Variants in CYP27A1 observed in about 807,000 individuals in gnomAD.
CYP27A1 encodes cytochrome P450 family 27 subfamily A member 1, also known as sterol 26-hydroxylase, mitochondrial.
A neutral mutation model predicts 58.2 loss-of-function variants in CYP27A1; 46 were observed. That is an observed-to-expected ratio of 0.79 (90% CI 0.62 to 1.01). The LOEUF (loss-of-function observed/expected upper bound fraction) is 1.01, where lower values mean the gene tolerates loss of function less well. CYP27A1 is among the 50% of genes least tolerant of loss of function. The pLI is 0.00. For missense variants in CYP27A1, 704 were observed against 687.0 expected (o/e 1.02, Z -0.28); for synonymous variants, 274 against 285.1 (o/e 0.96, Z 0.39).
At chr2:218,806,999 C>CA (rs1943658858) in intron 1 of CYP27A1, among the ~76,000 whole-genome samples, 1 of 137,412 alleles carries the variant, frequency 7.3e-6, no homozygotes, top group Non-Finnish European at 1.5e-5. Context: ...CATTGCCACC[C>CA]AGGCTGGAGT....
chr2:218,800,371 T>C (rs997509266), intron 1 of CYP27A1, among the ~76,000 whole-genome samples: 1 of 152,068 alleles, frequency 6.6e-6, no homozygotes, highest in African/African-American at 2.4e-5. Context: ...GAAATAAAGA[T>C]AAGACACTCC....
intron 1 of CYP27A1, among the ~76,000 whole-genome samples, chr2:218,799,590 T>C (rs1049456566): frequency 2.0e-5 from 3 of 152,210 alleles, no homozygotes; most frequent in Middle Eastern, 3.2e-3. Context: ...AAAACTTGCT[T>C]GCCTGACTTT....
chr2:218,787,890 T>C (rs776270876), intron 1 of CYP27A1, among the ~76,000 whole-genome samples: 2 of 152,228 alleles, frequency 1.3e-5, no homozygotes, highest in Non-Finnish European at 2.9e-5. Flanking sequence ...CCAGGAATCA[T>C]AATACTCCAT....
chr2:218,792,951 C>G (rs1943510242), intron 1 of CYP27A1, among the ~76,000 whole-genome samples: 1 of 152,170 alleles, frequency 6.6e-6, no homozygotes, highest in Non-Finnish European at 1.5e-5. Context: ...AAGCTGAAAT[C>G]TGATTTTTGG....
chr2:218,803,247 C>T (rs1343615121), intron 1 of CYP27A1, among the ~76,000 whole-genome samples: 1 of 152,202 alleles, frequency 6.6e-6, no homozygotes, highest in Non-Finnish European at 1.5e-5. Flanking sequence ...GCGTGAACCA[C>T]CACGCCCAGC....
intron 1 of CYP27A1, among the ~76,000 whole-genome samples, chr2:218,802,663 T>C (rs530073694): frequency 6.6e-6 from 1 of 152,218 alleles, no homozygotes; most frequent in Non-Finnish European, 1.5e-5. Flanking sequence ...GGCAAATAAA[T>C]AAGAATAAAC....
At chr2:218,798,799 C>T (rs1943572006) in intron 1 of CYP27A1, among the ~76,000 whole-genome samples, 1 of 152,164 alleles carries the variant, frequency 6.6e-6, no homozygotes, top group Admixed American at 6.6e-5. Flanking sequence ...ATGAGAATTG[C>T]TTGAACCCGG....
intron 1 of CYP27A1, among the ~76,000 whole-genome samples, chr2:218,798,430 G>A (rs6740004): frequency 0.47 from 71,610 of 152,076 alleles, 17,348 homozygotes; most frequent in Non-Finnish European, 0.5. Context: ...TTAATGTAAA[G>A]CCTGGTAAAT....
intron 4 of CYP27A1, 59 bp from the exon 5 acceptor site, chr2:218,812,865 G>T: frequency 6.2e-7 from 1 of 1,611,556 alleles, no homozygotes; most frequent in Non-Finnish European, 8.5e-7. Context: ...AGTGGCTCTT[G>T]GTCCTTGGAG....
chr2:218,811,615 A>G (rs1421255848), intron 2 of CYP27A1, among the ~76,000 whole-genome samples: 1 of 152,154 alleles, frequency 6.6e-6, no homozygotes, highest in Non-Finnish European at 1.5e-5. Context: ...GCAAGAGCCT[A>G]CAGCATCAGC....
chr2:218,795,206 T>C (rs1943536540), intron 1 of CYP27A1, among the ~76,000 whole-genome samples: 1 of 152,228 alleles, frequency 6.6e-6, no homozygotes, highest in Non-Finnish European at 1.5e-5. Flanking sequence ...CATGCTCACC[T>C]GTGCTGTGCC....
At chr2:218,792,050 A>T (rs1943498303) in intron 1 of CYP27A1, among the ~76,000 whole-genome samples, 1 of 150,756 alleles carries the variant, frequency 6.6e-6, no homozygotes, top group African/African-American at 2.5e-5. Flanking sequence ...CTATTTTAGC[A>T]ATGTAGAAGT....
intron 1 of CYP27A1, among the ~76,000 whole-genome samples, chr2:218,808,231 G>C (rs1278203058): frequency 6.6e-6 from 1 of 152,174 alleles, no homozygotes; most frequent in Non-Finnish European, 1.5e-5. Flanking sequence ...TTCCTTCCAG[G>C]AAAATAGGCA....
intron 1 of CYP27A1, among the ~76,000 whole-genome samples, chr2:218,790,995 C>T (rs1303287321): frequency 1.3e-5 from 2 of 152,024 alleles, no homozygotes; most frequent in African/African-American, 4.8e-5. Flanking sequence ...GCCCCTGTGC[C>T]CAGCCAAGTT....
At chr2:218,792,381 G>GT (rs959258586) in intron 1 of CYP27A1, among the ~76,000 whole-genome samples, 15 of 151,808 alleles carry the variant, frequency 9.9e-5, no homozygotes, top group Admixed American at 2.6e-4. Context: ...CTGGCAAGGT[G>GT]TTTTTTTTGG....
chr2:218,784,242 G>A (rs1483048474), intron 1 of CYP27A1, among the ~76,000 whole-genome samples: 1 of 152,184 alleles, frequency 6.6e-6, no homozygotes, highest in East Asian at 1.9e-4. Context: ...GAGACTTGGG[G>A]ATGTGAAAAT....
intron 2 of CYP27A1, among the ~76,000 whole-genome samples, chr2:218,811,741 T>C (rs1943717824): frequency 6.6e-6 from 1 of 152,096 alleles, no homozygotes; most frequent in Non-Finnish European, 1.5e-5. Context: ...CCTCTGCAGC[T>C]CCCCCTTATT....
chr2:218,803,330 A>G (rs1943616986), intron 1 of CYP27A1, among the ~76,000 whole-genome samples: 2 of 152,148 alleles, frequency 1.3e-5, no homozygotes, highest in South Asian at 4.1e-4. Context: ...TATACTCTGG[A>G]TATTAAACCC....
chr2:218,805,166 G>A (rs1048948703), intron 1 of CYP27A1, among the ~76,000 whole-genome samples: 3 of 152,204 alleles, frequency 2.0e-5, no homozygotes, highest in South Asian at 2.1e-4. Context: ...AGAGGTTATT[G>A]TAAATGGAAT....
Sources: gnomAD v4.1 joint callset for allele counts (sites outside exome capture counted in the v4.1 genomes callset) on GRCh38, gnomAD v4.1.1 for gene constraint, MANE v1.5 for transcripts, NCBI Gene and HGNC (gene_info 2026-07-23, HGNC 2026-07-21) for gene names.